TMEM207: variants seen among roughly 807,000 people sequenced by gnomAD.
TMEM207 encodes transmembrane protein 207.
In TMEM207, 15 loss-of-function variants were observed where a neutral mutation model predicts 17.4. The observed-to-expected ratio is 0.86, with a 90% CI of 0.58 to 1.33. The LOEUF is 1.33. Ranked by LOEUF, TMEM207 falls within the 40% of genes most tolerant of loss-of-function variation. The probability of loss-of-function intolerance (pLI) is 0.00; values close to 1 mark genes in which losing one functional copy is unlikely to be tolerated. For missense variants in TMEM207, 205 were observed against 173.8 expected, an observed-to-expected ratio of 1.18 and a Z score of -1.01; for synonymous variants, 70 against 65.6, an observed-to-expected ratio of 1.07 and a Z score of -0.33.
intron 3 of TMEM207, 45 bp from the exon 4 acceptor site, chr3:190,440,434 G>A (rs1289086712): frequency 6.4e-7 from 1 of 1,556,546 alleles, no homozygotes; most frequent in Non-Finnish European, 8.7e-7. Context: ...AGAGTATGCA[G>A]GGAAGTTAAG....
chr3:190,449,145 C>T (rs951929974), intron 1 of TMEM207, among the ~76,000 whole-genome samples: 2 of 152,156 alleles, frequency 1.3e-5, no homozygotes, highest in Admixed American at 1.3e-4. Flanking sequence ...ATTAGCACCT[C>T]ACTGCCAACA....
chr3:190,446,586 G>T (rs71310864), intron 2 of TMEM207, among the ~76,000 whole-genome samples: 7,451 of 152,152 alleles, frequency 0.049, 299 homozygotes, highest in Non-Finnish European at 0.07. Context: ...AAATGATGTA[G>T]CCAGAGAATG....
At chr3:190,433,624 G>T (rs1719738203) in intron 4 of TMEM207, among the ~76,000 whole-genome samples, 1 of 152,032 alleles carries the variant, frequency 6.6e-6, no homozygotes, top group African/African-American at 2.4e-5. Flanking sequence ...CTAAAAATTT[G>T]CATACATTCC....
At chr3:190,430,947 T>C (rs1350669445) in intron 4 of TMEM207, among the ~76,000 whole-genome samples, 1 of 152,200 alleles carries the variant, frequency 6.6e-6, no homozygotes, top group African/African-American at 2.4e-5. Context: ...ATATTAGGCA[T>C]TAGTTGCTTC....
At position 190,449,764 on chromosome 3, in the gene TMEM207, T is replaced by C. The variant is rs977120559; in HGVS notation, c.46A>G (p.Ile16Val). Residue 16 changes from isoleucine to valine, a missense_variant, in exon 1 of 5, where the codon ATA becomes GTA. Transcript: ENST00000354905. ...AATAGCGGCAAACACAAGATCCCTA[T>C]CGTTGAGATCGCTGAGGTGACACTG... ...LFSVTSAIST[I>V]GILCLPLFQL... 1.9e-6 allele frequency: 3 copies of C among 1,613,752 alleles called. No individual in the cohort carries two copies. Among genetic ancestry groups the C allele is most frequent in the Non-Finnish European group, 2.5e-6 (3 of 1,179,816 alleles).
At chr3:190,433,717 G>C (rs1719740455) in intron 4 of TMEM207, among the ~76,000 whole-genome samples, 1 of 152,160 alleles carries the variant, frequency 6.6e-6, no homozygotes. Context: ...AACTGGTTTT[G>C]CAGATTGATA....
intron 2 of TMEM207, among the ~76,000 whole-genome samples, chr3:190,443,928 T>C (rs1283395286): frequency 6.6e-6 from 1 of 152,216 alleles, no homozygotes; most frequent in African/African-American, 2.4e-5. Context: ...GAATTAATTG[T>C]TGAGGGAGAT....
At chr3:190,447,753 C>A (rs538165244) in intron 2 of TMEM207, 37 bp downstream of exon 2, 5 of 1,601,570 alleles carry the variant, frequency 3.1e-6, no homozygotes, top group Admixed American at 1.7e-5. Context: ...TTTTTAAATG[C>A]GAAATAAAAA....
At chr3:190,437,017 C>A (rs1719815872) in intron 4 of TMEM207, among the ~76,000 whole-genome samples, 1 of 152,042 alleles carries the variant, frequency 6.6e-6, no homozygotes, top group South Asian at 2.1e-4. Context: ...CATAGGCACA[C>A]ACACAAAAAA....
rs538806726 is a variant in TMEM207 at position 190,443,535 on chromosome 3, G to A, written c.114-2053C>T. Among the ~76,000 whole-genome samples the A allele has an allele frequency of 5.5e-4, 84 of 152,146 alleles. 2 individuals carry two copies. The South Asian group carries it at 8.1e-3, about 15-fold the overall frequency. ...GCAGGCATCTTTGAGATCATTTATT[G>A]ACCTTTAGGATTTTGCACAGTGTAC... is the stretch of plus-strand genomic sequence containing the variant. On this transcript the variant is annotated intron_variant, in intron 2 of 4. Transcript: ENST00000354905.
At position 190,429,476 on chromosome 3, in the gene TMEM207, C is replaced by T. The variant is rs752216631; in HGVS notation, c.*119G>A. 7.1e-7 allele frequency: 1 copy of T among 1,400,926 alleles called. No individual in the cohort carries two copies. The highest frequency in any genetic ancestry group is 9.6e-7 in the Non-Finnish European group (1 of 1,039,822). The allele number at this position is 1,400,926 out of a possible 1,614,324, so 86.8% of individuals were successfully genotyped here. A position where few individuals can be genotyped will look rare whatever the true frequency, so the allele number is the denominator to read the frequency against. On this transcript the variant is annotated 3_prime_UTR_variant, in exon 5 of 5. Coordinates refer to ENST00000354905, the MANE Select transcript of TMEM207 (RefSeq NM_207316.3). ...CCATTCTTTTGTCGAATTGTCCTTC[C>T]TCAGACTATATGAATAGATCTCTGG...
intron 2 of TMEM207, among the ~76,000 whole-genome samples, chr3:190,446,332 C>A (rs189747468): frequency 1.6e-3 from 248 of 152,242 alleles, no homozygotes; most frequent in African/African-American, 5.7e-3. Context: ...CCTCAGAAAA[C>A]AGCATGACTT....
At chr3:190,447,656 A>G in intron 2 of TMEM207, 134 bp downstream of exon 2, 2 of 751,132 alleles carry the variant, frequency 2.7e-6, no homozygotes, top group Non-Finnish European at 4.1e-6. Flanking sequence ...GCATTTACAA[A>G]CCATTTACTT....
intron 2 of TMEM207, among the ~76,000 whole-genome samples, chr3:190,445,727 T>G (rs373599071): frequency 6.6e-6 from 1 of 152,192 alleles, no homozygotes; most frequent in Non-Finnish European, 1.5e-5. Flanking sequence ...GGTTTCACCA[T>G]GTTGGCCAGG....
intron 2 of TMEM207, among the ~76,000 whole-genome samples, chr3:190,441,773 G>T (rs1719942752): frequency 6.6e-6 from 1 of 152,206 alleles, no homozygotes; most frequent in South Asian, 2.1e-4. Context: ...TAAGCATTGA[G>T]AAGGCAGTGA....
At position 190,429,654 on chromosome 3, in the gene TMEM207, G is replaced by C; in HGVS notation, c.382C>G (p.Pro128Ala). 6.2e-7 allele frequency: 1 copy of C among 1,613,572 alleles called. No homozygotes were observed. ...QTPDLYPVPA[P>A]CFGPLGSPPP... ...GGGGAGCCTAAAGGGCCAAAACATG[G>C]AGCAGGAACAGGATATAGGTCAGGG... The change falls in exon 5 of 5, where the codon CCA becomes GCA. Residue 128 changes from proline to alanine, a missense_variant. Transcript: ENST00000354905.
chr3:190,447,957 G>C, intron 1 of TMEM207, 130 bp from the exon 2 acceptor site: 2 of 743,744 alleles, frequency 2.7e-6, no homozygotes. Flanking sequence ...CTCTATAGCA[G>C]AGTTTATTGT....
intron 2 of TMEM207, among the ~76,000 whole-genome samples, chr3:190,445,165 C>T (rs1039390169): frequency 6.6e-6 from 1 of 152,300 alleles, no homozygotes; most frequent in Middle Eastern, 3.4e-3. Flanking sequence ...TTCACTTTAT[C>T]AAGCCAAGCA....
intron 2 of TMEM207, among the ~76,000 whole-genome samples, chr3:190,444,946 A>G (rs528740476): frequency 6.6e-6 from 1 of 152,242 alleles, no homozygotes; most frequent in Non-Finnish European, 1.5e-5. Context: ...GTCACAAATC[A>G]TATTACCCAG....
Sources: gnomAD v4.1 joint callset for allele counts (sites outside exome capture counted in the v4.1 genomes callset) on GRCh38, gnomAD v4.1.1 for gene constraint, MANE v1.5 for transcripts, NCBI Gene and HGNC (gene_info 2026-07-23, HGNC 2026-07-21) for gene names.